The following COL19A1 variants were observed in gnomAD, a reference collection of about 807,000 sequenced individuals.
COL19A1 encodes the protein collagen type XIX alpha 1 chain.
A neutral mutation model predicts 190.2 loss-of-function variants in COL19A1; 159 were observed. The ratio of observed to expected loss-of-function variants is 0.84; its 90% CI spans 0.73 to 0.95. The LOEUF is 0.95. COL19A1 is among the 40% of genes least tolerant of loss of function. The probability of loss-of-function intolerance (pLI) is 0.00; values close to 1 mark genes in which losing one functional copy is unlikely to be tolerated. For missense variants in COL19A1, 1,418 were observed against 1,431.9 expected (o/e 0.99, Z 0.16); for synonymous variants, 509 against 458.9 (o/e 1.11, Z -1.39).
chr6:70,086,516 A>G (rs1350533780), intron 15 of COL19A1, among the ~76,000 whole-genome samples: 1 of 152,160 alleles, frequency 6.6e-6, no homozygotes, highest in East Asian at 1.9e-4. Flanking sequence ...AAATATCTCA[A>G]ACTGTTACTA....
intron 16 of COL19A1, among the ~76,000 whole-genome samples, chr6:70,113,105 A>G (rs1784374782): frequency 6.6e-6 from 1 of 152,184 alleles, no homozygotes; most frequent in Non-Finnish European, 1.5e-5. Context: ...GGAGCTATAG[A>G]TCTTTCAAGG....
chr6:70,162,983 G>C (rs73746885), intron 35 of COL19A1, among the ~76,000 whole-genome samples: 1,664 of 152,254 alleles, frequency 0.011, 32 homozygotes, highest in African/African-American at 0.037. Flanking sequence ...CTGCCGCCTT[G>C]AAGTATTTAA....
intron 9 of COL19A1, among the ~76,000 whole-genome samples, chr6:69,953,258 T>A (rs1309647463): frequency 2.0e-5 from 3 of 152,000 alleles, no homozygotes; most frequent in Non-Finnish European, 4.4e-5. Context: ...GAATCACCTG[T>A]ATATCTGTGT....
At chr6:70,087,841 A>C (rs1253244005) in intron 15 of COL19A1, among the ~76,000 whole-genome samples, 1 of 152,202 alleles carries the variant, frequency 6.6e-6, no homozygotes, top group Non-Finnish European at 1.5e-5. Context: ...CTATCCCATA[A>C]GTTATCCATG....
At chr6:69,952,270 A>C (rs1774168579) in intron 9 of COL19A1, among the ~76,000 whole-genome samples, 1 of 151,750 alleles carries the variant, frequency 6.6e-6, no homozygotes, top group South Asian at 2.1e-4. Context: ...GTTACATTTG[A>C]AGTGTGTTTT....
At chr6:69,888,097 C>A (rs1194683043) in intron 2 of COL19A1, among the ~76,000 whole-genome samples, 1 of 152,150 alleles carries the variant, frequency 6.6e-6, no homozygotes, top group Non-Finnish European at 1.5e-5. Flanking sequence ...GTGGAGCTCC[C>A]TCAGAGGCCT....
rs571123754 is a variant in COL19A1 at position 69,871,837 on chromosome 6, C to T, written c.-33+5197C>T. Among the ~76,000 whole-genome samples, 425 of 109,966 alleles carry T rather than the reference C, an allele frequency of 3.9e-3. 3 individuals are homozygous for T. The highest frequency in any genetic ancestry group is 0.014 in the African/African-American group (396 of 27,788). The allele number at this position is 109,966 out of a possible 152,430, so 72.1% of individuals were successfully genotyped here. ...TTTTTTTTTTTTTTTTTTTTTGAAA[C>T]GGAGTCTTGCTCTGTCGCCCAGGCT... On this transcript the variant is annotated intron_variant, in intron 1 of 50. Transcript: ENST00000620364.
chr6:70,052,618 C>A (rs769089316), intron 14 of COL19A1, among the ~76,000 whole-genome samples: 1 of 152,118 alleles, frequency 6.6e-6, no homozygotes, highest in African/African-American at 2.4e-5. Context: ...TATTTCACAG[C>A]CACTTCTTAG....
intron 34 of COL19A1, among the ~76,000 whole-genome samples, chr6:70,157,000 C>T (rs1372142509): frequency 6.6e-6 from 1 of 152,024 alleles, no homozygotes; most frequent in Non-Finnish European, 1.5e-5. Context: ...TTCCAGCTCT[C>T]TCAAAATAAA....
At chr6:70,009,981 T>G (rs1249870207) in intron 11 of COL19A1, among the ~76,000 whole-genome samples, 1 of 152,148 alleles carries the variant, frequency 6.6e-6, no homozygotes, top group Non-Finnish European at 1.5e-5. Context: ...AAACCAAAAC[T>G]GTAAATTTTT....
chr6:69,972,397 T>C (rs898283613), intron 11 of COL19A1, among the ~76,000 whole-genome samples: 1 of 152,212 alleles, frequency 6.6e-6, no homozygotes, highest in Non-Finnish European at 1.5e-5. Flanking sequence ...ACAACGACCA[T>C]GTCTGTCTGT....
intron 14 of COL19A1, among the ~76,000 whole-genome samples, chr6:70,049,207 T>TAATTCATTAC (rs1780065624): frequency 1.3e-5 from 2 of 152,036 alleles, no homozygotes; most frequent in African/African-American, 2.4e-5. Flanking sequence ...TAATTCATTG[T>TAATTCATTAC]TAGTTTTCTG....
rs1366421227 is a variant in COL19A1, at chr6:70,045,418, T to C, written c.1170+9479T>C. On this transcript the variant is annotated intron_variant, in intron 14 of 50. Coordinates refer to ENST00000620364, the MANE Select transcript of COL19A1 (RefSeq NM_001858.6). Reference sequence around the variant, plus strand: ...TTTCTCCTTAGAATGGGTTATGTTTTGGTGCTTACTTGTATGGCAAGTAAT... The same window carrying C: ...TTTCTCCTTAGAATGGGTTATGTTTCGGTGCTTACTTGTATGGCAAGTAAT... Among the ~76,000 whole-genome samples, 3 of 152,102 alleles carry C rather than the reference T, an allele frequency of 2.0e-5. No individual in the cohort carries two copies. In the East Asian group the frequency reaches 5.8e-4, roughly 29 times the overall value.
intron 14 of COL19A1, among the ~76,000 whole-genome samples, chr6:70,053,031 T>A (rs539901758): frequency 1.3e-5 from 2 of 152,324 alleles, no homozygotes; most frequent in African/African-American, 4.8e-5. Flanking sequence ...TATCCCCTTC[T>A]TAATTTACTA....
intron 48 of COL19A1, among the ~76,000 whole-genome samples, chr6:70,196,598 C>T (rs1187766766): frequency 6.6e-6 from 1 of 152,180 alleles, no homozygotes; most frequent in African/African-American, 2.4e-5. Flanking sequence ...AGTTTATCAT[C>T]ATATTAATAT....
At chr6:70,158,339 C>CTA (rs1394374540) in intron 34 of COL19A1, among the ~76,000 whole-genome samples, 30 of 152,064 alleles carry the variant, frequency 2.0e-4, no homozygotes, top group African/African-American at 6.0e-4. Context: ...GGCCAATGAA[C>CTA]TATACCATTT....
At chr6:70,044,445 C>T (rs901321788) in intron 14 of COL19A1, among the ~76,000 whole-genome samples, 3 of 152,262 alleles carry the variant, frequency 2.0e-5, no homozygotes, top group South Asian at 4.1e-4. Context: ...AGGGACCTAG[C>T]TTTTGGTGTA....
chr6:70,082,911 T>C (rs1782352948), intron 15 of COL19A1, among the ~76,000 whole-genome samples: 1 of 152,006 alleles, frequency 6.6e-6, no homozygotes. Flanking sequence ...CATGAGTGGT[T>C]CACAATAGGG....
At chr6:69,915,907 A>G (rs891067198) in intron 4 of COL19A1, among the ~76,000 whole-genome samples, 1 of 148,634 alleles carries the variant, frequency 6.7e-6, no homozygotes. Flanking sequence ...TTTCACTACT[A>G]CTTCCTGAAA....
Sources: allele counts gnomAD v4.1 joint callset (sites outside exome capture counted in the v4.1 genomes callset), GRCh38; gene constraint gnomAD v4.1.1; transcripts MANE v1.5; gene names NCBI Gene and HGNC (gene_info 2026-07-23, HGNC 2026-07-21).